Variants in ACOXL observed in about 807,000 individuals in gnomAD.
ACOXL encodes acyl-CoA oxidase like, also known as acyl-coenzyme A oxidase-like protein.
ACOXL carries 70 observed loss-of-function variants against 71.9 expected under a neutral mutation model. The ratio of observed to expected loss-of-function variants is 0.97; its 90% CI spans 0.80 to 1.19. ACOXL has a LOEUF of 1.19. ACOXL is among the 50% of genes most tolerant of loss of function. The pLI, the probability that ACOXL is intolerant of heterozygous loss-of-function variation, is 0.00. For missense variants in ACOXL, 703 were observed against 736.3 expected, an observed-to-expected ratio of 0.95 and a Z score of 0.52; for synonymous variants, 253 against 281.6, an observed-to-expected ratio of 0.90 and a Z score of 1.02.
intron 17 of ACOXL, chr2:111,099,665 G>A (rs1171133242): frequency 2.6e-5 from 4 of 152,194 alleles, no homozygotes; most frequent in African/African-American, 7.2e-5. Context: ...ATTTTTGCAG[G>A]GGTATGTAGA....
intron 12 of ACOXL, among the ~76,000 whole-genome samples, chr2:110,943,185 G>A (rs2060952465): frequency 7.5e-6 from 1 of 132,960 alleles, no homozygotes; most frequent in Non-Finnish European, 1.6e-5. Flanking sequence ...AGGGAAAGAA[G>A]GAAGGAAGGA....
chr2:110,769,347 T>C (rs1025748111), intron 2 of ACOXL, among the ~76,000 whole-genome samples: 1 of 152,100 alleles, frequency 6.6e-6, no homozygotes, highest in East Asian at 1.9e-4. Flanking sequence ...TCATGGTATA[T>C]AGGAAAAAAT....
At chr2:110,915,358 G>A (rs532888036) in intron 11 of ACOXL, among the ~76,000 whole-genome samples, 71 of 131,498 alleles carry the variant, frequency 5.4e-4, no homozygotes, top group African/African-American at 2.1e-3. Flanking sequence ...ATATGTGTGT[G>A]TGTGTGTGTG....
intron 1 of ACOXL, among the ~76,000 whole-genome samples, chr2:110,762,822 A>G (rs114465608): frequency 0.035 from 5,300 of 151,968 alleles, 141 homozygotes; most frequent in African/African-American, 0.073. Context: ...CATCCAGGTA[A>G]TTTTTTGTAT....
chr2:111,019,468 A>T (rs1180481066), intron 14 of ACOXL, among the ~76,000 whole-genome samples: 1 of 152,224 alleles, frequency 6.6e-6, no homozygotes, highest in African/African-American at 2.4e-5. Context: ...TTTGACACAA[A>T]AGGGAAGAAG....
At chr2:110,744,554 C>T (rs73954672) in intron 1 of ACOXL, among the ~76,000 whole-genome samples, 1,857 of 152,308 alleles carry the variant, frequency 0.012, 43 homozygotes, top group African/African-American at 0.043. Flanking sequence ...GTCCTTACTT[C>T]ACGTCCCCTC....
intron 11 of ACOXL, among the ~76,000 whole-genome samples, chr2:110,910,726 A>G (rs893989667): frequency 6.6e-6 from 1 of 152,190 alleles, no homozygotes; most frequent in South Asian, 2.1e-4. Context: ...TTTCATGTGC[A>G]CATTGGCCAT....
At chr2:110,945,375 T>C (rs1005314164) in intron 12 of ACOXL, among the ~76,000 whole-genome samples, 1 of 152,076 alleles carries the variant, frequency 6.6e-6, no homozygotes, top group Non-Finnish European at 1.5e-5. Context: ...TTTTTTTTTT[T>C]TTTTTACAAT....
chr2:110,898,376 A>G (rs28769005), intron 10 of ACOXL, among the ~76,000 whole-genome samples: 43,680 of 152,082 alleles, frequency 0.29, 6,885 homozygotes, highest in Non-Finnish European at 0.35. Flanking sequence ...TTAGCAATAT[A>G]AAAAAACTAT....
At chr2:111,037,822 A>G (rs771815607) in intron 15 of ACOXL, among the ~76,000 whole-genome samples, 2 of 151,636 alleles carry the variant, frequency 1.3e-5, no homozygotes, top group Non-Finnish European at 2.9e-5. Flanking sequence ...CATCCACCGC[A>G]CTCTTTAAGA....
At chr2:110,805,181 A>G in intron 8 of ACOXL, 82 bp from the exon 9 acceptor site, 1 of 1,558,296 alleles carries the variant, frequency 6.4e-7, no homozygotes, top group Non-Finnish European at 8.7e-7. Flanking sequence ...TTCCCTGTGT[A>G]TGCACATGGG....
intron 16 of ACOXL, among the ~76,000 whole-genome samples, chr2:111,068,345 C>T (rs562385845): frequency 4.6e-5 from 7 of 152,206 alleles, no homozygotes; most frequent in East Asian, 1.9e-4. Context: ...AGGCTGGGGC[C>T]GGGTCACAGA....
intron 17 of ACOXL, among the ~76,000 whole-genome samples, chr2:111,117,261 G>A (rs2070426488): frequency 6.6e-6 from 1 of 152,196 alleles, no homozygotes; most frequent in Non-Finnish European, 1.5e-5. Flanking sequence ...AGAGAGGAGC[G>A]GAGGGAAGGA....
intron 11 of ACOXL, among the ~76,000 whole-genome samples, chr2:110,925,348 T>A (rs529892453): frequency 6.6e-6 from 1 of 152,362 alleles, no homozygotes; most frequent in African/African-American, 2.4e-5. Flanking sequence ...CAAGGCTGTT[T>A]CACCTATGCT....
intron 11 of ACOXL, among the ~76,000 whole-genome samples, chr2:110,925,723 G>T (rs1434697495): frequency 6.6e-6 from 1 of 152,158 alleles, no homozygotes; most frequent in Non-Finnish European, 1.5e-5. Context: ...CACTGGAGTA[G>T]CACTTTTAAT....
intron 16 of ACOXL, among the ~76,000 whole-genome samples, chr2:111,068,255 A>G (rs1459318340): frequency 2.0e-5 from 3 of 152,100 alleles, no homozygotes; most frequent in Non-Finnish European, 2.9e-5. Context: ...AGGTGAAGAA[A>G]CGGTGTGCGT....
chr2:111,015,742 TA>T (rs1379931839), intron 14 of ACOXL, among the ~76,000 whole-genome samples: 2 of 152,134 alleles, frequency 1.3e-5, no homozygotes, highest in African/African-American at 4.8e-5. Context: ...TGACACTAGA[TA>T]AATAAACTGT....
chr2:111,088,888 CA>C (rs1259633556), intron 16 of ACOXL, among the ~76,000 whole-genome samples: 2 of 152,054 alleles, frequency 1.3e-5, no homozygotes, highest in African/African-American at 2.4e-5. Context: ...AGTTTATGTA[CA>C]AATAGAAAAG....
chr2:110,957,827 C>T (rs1009437828), intron 12 of ACOXL, among the ~76,000 whole-genome samples: 4 of 151,890 alleles, frequency 2.6e-5, no homozygotes, highest in Non-Finnish European at 5.9e-5. Context: ...GAGGCCGAGG[C>T]GGGCGGATCA....
Sources: allele counts gnomAD v4.1 joint callset (sites outside exome capture counted in the v4.1 genomes callset), GRCh38; gene constraint gnomAD v4.1.1; transcripts MANE v1.5; gene names NCBI Gene and HGNC (gene_info 2026-07-23, HGNC 2026-07-21).